Variants in CHRNA5 observed in about 807,000 individuals in gnomAD.
CHRNA5 encodes the protein neuronal acetylcholine receptor subunit alpha-5.
In CHRNA5, 28 loss-of-function variants were observed where a neutral mutation model predicts 41.2. The observed-to-expected ratio is 0.68, with a 90% CI of 0.50 to 0.93. The LOEUF (loss-of-function observed/expected upper bound fraction) is 0.93. Ranked by LOEUF, CHRNA5 falls within the 40% of genes least tolerant of loss-of-function variation. The pLI is 0.00. For synonymous variants in CHRNA5, 188 were observed against 205.8 expected (o/e 0.91, Z 0.74); for missense variants, 481 against 581.9 (o/e 0.83, Z 1.78).
rs771582989 is a variant in CHRNA5 at position 78,586,710 on chromosome 15, C to T, written c.303+21C>T. 4.6e-5 allele frequency: 72 copies of T among 1,580,764 alleles called. No homozygotes were observed. In the East Asian group the frequency reaches 1.3e-3, roughly 28 times the overall value. Reference sequence around the variant, plus strand: ...AACAGGTATGTGTGTAAAATTCAAACGGGCACCCAATTAGTGACTGGGACA... The same window carrying T: ...AACAGGTATGTGTGTAAAATTCAAATGGGCACCCAATTAGTGACTGGGACA... On this transcript the variant is annotated intron_variant, in intron 3 of 5. Transcript: ENST00000299565.
intron 5 of CHRNA5, among the ~76,000 whole-genome samples, chr15:78,591,554 T>C (rs915984515): frequency 9.2e-5 from 14 of 152,170 alleles, no homozygotes; most frequent in African/African-American, 3.1e-4. Flanking sequence ...GTAAAGCTAT[T>C]TTAAATGGAA....
At position 78,593,193 on chromosome 15, in the gene CHRNA5, TGTTA is replaced by T. The variant is rs763265856; in HGVS notation, c.1348_1351del (p.Val450PhefsTer8). 19 of 1,613,820 alleles carry T rather than the reference TGTTA, an allele frequency of 1.2e-5. No homozygotes were observed. In the Admixed American group the frequency reaches 2.0e-4, roughly 17 times the overall value. On this transcript the variant is annotated frameshift_variant, in exon 6 of 6. Transcript: ENST00000299565. LOFTEE classifies it high-confidence loss of function. ...TTGGATCTCTTGGGCTTTTTGTTCC[TGTTA>T]TTTATAAATGGGCAAATATATTAAT...
chr15:78,582,063 C>G (rs1567058033), intron 2 of CHRNA5, among the ~76,000 whole-genome samples: 1 of 152,092 alleles, frequency 6.6e-6, no homozygotes, highest in Admixed American at 6.5e-5. Context: ...AAGGATATAC[C>G]TTTTTCAAAG....
intron 1 of CHRNA5, among the ~76,000 whole-genome samples, chr15:78,577,468 G>A (rs183359688): frequency 1.4e-4 from 21 of 152,294 alleles, no homozygotes; most frequent in Admixed American, 1.2e-3. Flanking sequence ...TCTAGTATGG[G>A]ATGTATTACG....
At chr15:78,579,507 G>A (rs1179737220) in intron 1 of CHRNA5, among the ~76,000 whole-genome samples, 13 of 152,158 alleles carry the variant, frequency 8.5e-5, no homozygotes, top group Non-Finnish European at 1.5e-5. Flanking sequence ...GTCCGCCTCA[G>A]CTTCCCAAAG....
intron 1 of CHRNA5, among the ~76,000 whole-genome samples, chr15:78,577,062 TTAAA>T (rs1376637210): frequency 3.9e-5 from 6 of 152,194 alleles, no homozygotes; most frequent in African/African-American, 1.4e-4. Flanking sequence ...TAAATGTTTG[TTAAA>T]TGAATGAATA....
intron 5 of CHRNA5, chr15:78,591,400 AAAG>A (rs2053013256): frequency 6.6e-6 from 1 of 150,588 alleles, no homozygotes; most frequent in Non-Finnish European, 1.5e-5. Flanking sequence ...AAGTTCTTTT[AAAG>A]AATGAGCCTA....
rs750725297 is a variant in CHRNA5 at position 78,580,797 on chromosome 15, A to C, written c.107-14A>C. ...AGAAGCGAGTACATTAACTTTTAAA[A>C]ATTTGTTATACAGGATTATCTGAAC... is the stretch of plus-strand genomic sequence containing the variant. On this transcript the variant is annotated splice_polypyrimidine_tract_variant and intron_variant, in intron 1 of 5. Coordinates refer to ENST00000299565, the Ensembl canonical transcript of CHRNA5. 8 of 1,600,376 alleles carry C rather than the reference A, an allele frequency of 5.0e-6. No homozygotes were observed. The highest frequency in any genetic ancestry group is 2.6e-6 in the Non-Finnish European group (3 of 1,171,202).
chr15:78,576,361 G>A (rs1463480445), intron 1 of CHRNA5, among the ~76,000 whole-genome samples: 1 of 152,194 alleles, frequency 6.6e-6, no homozygotes, highest in African/African-American at 2.4e-5. Context: ...GGCCAGGCTG[G>A]TCTCGAACTC....
At chr15:78,573,042 A>C (rs974156221) in intron 1 of CHRNA5, among the ~76,000 whole-genome samples, 1 of 152,178 alleles carries the variant, frequency 6.6e-6, no homozygotes, top group East Asian at 1.9e-4. Flanking sequence ...TCCTAGTTCT[A>C]CTTCTGCTGC....
At chr15:78,568,271 T>C (rs1375237058) in intron 1 of CHRNA5, among the ~76,000 whole-genome samples, 1 of 152,088 alleles carries the variant, frequency 6.6e-6, no homozygotes, top group East Asian at 1.9e-4. Flanking sequence ...TAAAGTATAA[T>C]ATATTAAAGT....
intron 2 of CHRNA5, among the ~76,000 whole-genome samples, chr15:78,583,432 G>A (rs911077551): frequency 6.6e-6 from 1 of 152,140 alleles, no homozygotes; most frequent in African/African-American, 2.4e-5. Flanking sequence ...AGTGGCTCAC[G>A]CCTGTAATCC....
chr15:78,576,855 T>A (rs1356163961), intron 1 of CHRNA5, among the ~76,000 whole-genome samples: 1 of 151,742 alleles, frequency 6.6e-6, no homozygotes. Context: ...TGTAGTGCTA[T>A]AGAGATGCCA....
intron 1 of CHRNA5, among the ~76,000 whole-genome samples, chr15:78,567,252 CAAA>C (rs201126738): frequency 3.8e-5 from 3 of 78,724 alleles, no homozygotes; most frequent in Admixed American, 1.5e-4. Context: ...GACTCCGTCT[CAAA>C]AAAAAAAAAA....
intron 3 of CHRNA5, among the ~76,000 whole-genome samples, chr15:78,587,472 A>AG (rs141246842): frequency 0.98 from 148,626 of 152,148 alleles, 72,702 homozygotes; most frequent in East Asian, 1. Context: ...AAGGTTTCTG[A>AG]GCTGGTGTGT....
chr15:78,568,268 T>C (rs1012540515), intron 1 of CHRNA5, among the ~76,000 whole-genome samples: 5 of 152,138 alleles, frequency 3.3e-5, no homozygotes, highest in African/African-American at 4.8e-5. Flanking sequence ...AATTAAAGTA[T>C]AATATATTAA....
intron 1 of CHRNA5, among the ~76,000 whole-genome samples, chr15:78,569,527 G>A (rs939400804): frequency 6.7e-6 from 1 of 149,166 alleles, no homozygotes; most frequent in Admixed American, 6.8e-5. Context: ...TCTGCCTCCC[G>A]GGTTCACGCC....
intron 5 of CHRNA5, 158 bp downstream of exon 5, chr15:78,590,794 C>T: frequency 1.5e-6 from 1 of 649,724 alleles, no homozygotes; most frequent in Non-Finnish European, 2.6e-6. Flanking sequence ...AAGATCTTTA[C>T]TAAGGCTTGT....
At chr15:78,589,196 A>T (rs1439687104) in intron 4 of CHRNA5, 1 of 152,302 alleles carries the variant, frequency 6.6e-6, no homozygotes, top group Non-Finnish European at 1.5e-5. Context: ...TATATTACAG[A>T]ATAGTGTGCA....
Sources: gnomAD v4.1 joint callset for allele counts (sites outside exome capture counted in the v4.1 genomes callset) on GRCh38, gnomAD v4.1.1 for gene constraint, MANE v1.5 for transcripts, NCBI Gene and HGNC (gene_info 2026-07-23, HGNC 2026-07-21) for gene names.